The following FBXW8 variants were observed in gnomAD, a reference collection of about 807,000 sequenced individuals.
FBXW8 encodes the protein F-box/WD repeat-containing protein 8.
In FBXW8, 57 loss-of-function variants were observed where a neutral mutation model predicts 65.3. The observed-to-expected ratio is 0.87, with a 90% confidence interval of 0.71 to 1.09. The LOEUF is 1.09. Ranked by LOEUF, FBXW8 falls within the 50% of genes least tolerant of loss-of-function variation. The pLI, the probability that FBXW8 is intolerant of heterozygous loss-of-function variation, is 0.00. For synonymous variants in FBXW8, 308 were observed against 330.2 expected (o/e 0.93, Z 0.73); for missense variants, 777 against 814.8 (o/e 0.95, Z 0.57).
At chr12:116,995,051 A>T (rs1412036390) in intron 7 of FBXW8, among the ~76,000 whole-genome samples, 1 of 152,198 alleles carries the variant, frequency 6.6e-6, no homozygotes, top group African/African-American at 2.4e-5. Context: ...GCCAGCGGGG[A>T]TATACAGAGA....
chr12:117,005,477 G>T (rs556445423), intron 7 of FBXW8, among the ~76,000 whole-genome samples: 3 of 152,336 alleles, frequency 2.0e-5, no homozygotes, highest in African/African-American at 7.2e-5. Context: ...AACGTGTAGT[G>T]TGATGCGGTG....
In FBXW8 at chr12:117,029,567, G is replaced by A. The variant is rs11068296; in HGVS notation, c.*1395G>A. 48,162 of 151,920 alleles carry A rather than the reference G, an allele frequency of 0.32. 12,221 individuals carry two copies. The highest frequency in any genetic ancestry group is 0.71 in the African/African-American group (29,483 of 41,352). The allele number at this position is 151,920 out of a possible 1,614,324, so 9.4% of individuals were successfully genotyped here. On this transcript the variant is annotated 3_prime_UTR_variant, in exon 11 of 11. Coordinates refer to ENST00000652555, the MANE Select transcript of FBXW8 (RefSeq NM_153348.3). ...TAAATCAGGATAAAAACAGACATCA[G>A]TGGAATCGAAAACCAATAGTTAGTT...
intron 8 of FBXW8, among the ~76,000 whole-genome samples, chr12:117,022,060 C>T (rs1954112143): frequency 6.6e-6 from 1 of 152,148 alleles, no homozygotes. Flanking sequence ...GGAAGCTTTC[C>T]TCCTTTTCCT....
At position 117,013,902 on chromosome 12, in the gene FBXW8, GT is replaced by G. The variant is rs926803906; in HGVS notation, c.1367+3464del. On this transcript the variant is annotated intron_variant, in intron 8 of 10. Coordinates refer to ENST00000652555, the MANE Select transcript of FBXW8 (RefSeq NM_153348.3). ...AAAAGTCTGCAGGAAGTAATCACTTGTTTTTTTTTTTTGGTTTAAACCCTGT... is the reference window on the plus strand; with the variant it reads ...AAAAGTCTGCAGGAAGTAATCACTTGTTTTTTTTTTTGGTTTAAACCCTGT... Among the ~76,000 whole-genome samples, 341 of 140,424 alleles carry G rather than the reference GT, an allele frequency of 2.4e-3. 1 individual carries two copies. The highest frequency in any genetic ancestry group is 7.4e-3 in the Middle Eastern group (2 of 270). The allele number at this position is 140,424 out of a possible 152,430, so 92.1% of individuals were successfully genotyped here.
In FBXW8 at chr12:117,027,409, C is replaced by A. The variant is rs1228645338; in HGVS notation, c.1557C>A (p.His519Gln). 5 of 1,613,934 alleles carry A rather than the reference C, an allele frequency of 3.1e-6. No homozygotes were observed. Among genetic ancestry groups the A allele is most frequent in the African/African-American group, 1.3e-5 (1 of 74,932 alleles). The change falls in exon 10 of 11, where the codon CAC becomes CAA. Residue 519 changes from histidine to glutamine, a missense_variant. By Grantham distance (24) the His-to-Gln change is conservative. Transcript: ENST00000652555. ...WEVYSGHPVQHISFSSHSLIT... is the reference protein window; with the variant it reads ...WEVYSGHPVQQISFSSHSLIT... ...TGCCTTCCAGGCACCCGGTGCAGCA[C>A]ATCTCATTCAGCAGCCACAGCCTCA...
At chr12:116,945,044 A>G (rs1038603327) in intron 2 of FBXW8, among the ~76,000 whole-genome samples, 3 of 152,238 alleles carry the variant, frequency 2.0e-5, no homozygotes, top group Admixed American at 6.5e-5. Context: ...GTATGATTGT[A>G]TAGCTAATTA....
At chr12:116,955,797 A>G (rs1388365221) in intron 4 of FBXW8, among the ~76,000 whole-genome samples, 1 of 152,162 alleles carries the variant, frequency 6.6e-6, no homozygotes, top group Non-Finnish European at 1.5e-5. Flanking sequence ...AGATGACATC[A>G]TGAGTTCAAA....
At chr12:116,945,297 A>AT in intron 2 of FBXW8, 67 bp from the exon 3 acceptor site, 1 of 1,532,680 alleles carries the variant, frequency 6.5e-7, no homozygotes, top group Non-Finnish European at 8.9e-7. Context: ...GTGTTGATTG[A>AT]TTTTTGGATG....
intron 7 of FBXW8, among the ~76,000 whole-genome samples, chr12:117,006,160 G>C (rs1475928509): frequency 2.6e-5 from 4 of 152,188 alleles, no homozygotes; most frequent in Admixed American, 2.6e-4. Flanking sequence ...AATGCCTGTA[G>C]CAGGTATTTG....
intron 5 of FBXW8, among the ~76,000 whole-genome samples, chr12:116,983,523 T>G (rs767848924): frequency 1.4e-4 from 22 of 152,244 alleles, no homozygotes; most frequent in Non-Finnish European, 2.8e-4. Context: ...TGTATTATTT[T>G]CTTCCAATTC....
intron 7 of FBXW8, among the ~76,000 whole-genome samples, chr12:117,009,793 G>A (rs1348078329): frequency 6.6e-6 from 1 of 152,086 alleles, no homozygotes; most frequent in Non-Finnish European, 1.5e-5. Context: ...AAAGTGTTTG[G>A]GAGTGAGTTT....
In FBXW8 at chr12:117,027,781, A is replaced by G. The variant is rs1954269172; in HGVS notation, c.1653-247A>G. ...GGCCTGCTGTGGTTAGAATCCTGTC[A>G]GGGGCAAGGCCCGCCCTCTTGAGTC... On this transcript the variant is annotated intron_variant, in intron 10 of 10. Coordinates refer to ENST00000652555, the MANE Select transcript of FBXW8 (RefSeq NM_153348.3). Among the ~76,000 whole-genome samples, 3 of 152,214 alleles carry G rather than the reference A, an allele frequency of 2.0e-5. No individual in the cohort carries two copies. In the South Asian group the frequency reaches 6.2e-4, roughly 31 times the overall value.
In FBXW8 at chr12:116,910,993, A is replaced by T. The variant is rs2137274462; in HGVS notation, c.-45A>T. 1.5e-6 allele frequency: 2 copies of T among 1,345,382 alleles called. No homozygotes were observed. Among genetic ancestry groups the T allele is most frequent in the East Asian group, 3.1e-5 (1 of 32,276 alleles). 83.3% of individuals were successfully genotyped at this position (1,345,382 alleles called of 1,614,324 possible). ...TCCCTGGGCGGGACTGTCTCGTGGC[A>T]CCCGGTGGAACCGAGGAGAACGTGG... On this transcript the variant is annotated 5_prime_UTR_variant, in exon 1 of 11. Transcript: ENST00000652555.
intron 6 of FBXW8, 124 bp from the exon 7 acceptor site, chr12:116,988,539 G>A (rs1565929064): frequency 1.2e-6 from 1 of 806,708 alleles, no homozygotes; most frequent in Non-Finnish European, 2.1e-6. Context: ...TCCTGTGAGT[G>A]TTTCATTTGC....
chr12:116,954,093 G>A (rs1425964161), intron 4 of FBXW8, among the ~76,000 whole-genome samples: 3 of 140,904 alleles, frequency 2.1e-5, no homozygotes, highest in South Asian at 2.3e-4. Context: ...CAGCCTGGGC[G>A]ACAGGGCGAC....
intron 1 of FBXW8, among the ~76,000 whole-genome samples, chr12:116,917,893 G>A (rs1323240515): frequency 1.3e-5 from 2 of 151,516 alleles, no homozygotes; most frequent in East Asian, 3.9e-4. Context: ...TGGGGAGGCT[G>A]AGGCAGAAGA....
At chr12:116,999,941 T>C (rs1280891876) in intron 7 of FBXW8, among the ~76,000 whole-genome samples, 1 of 151,820 alleles carries the variant, frequency 6.6e-6, no homozygotes. Flanking sequence ...GCATCAGAGC[T>C]CTGGCCCTGA....
Position 116,945,423 on chromosome 12 carries a change from G to A in FBXW8, c.483G>A (p.Gln161=), listed in dbSNP as rs762785037. 1 of 1,613,948 alleles carries A rather than the reference G, an allele frequency of 6.2e-7. No homozygotes were observed. Among genetic ancestry groups the A allele is most frequent in the African/African-American group, 1.3e-5 (1 of 74,932 alleles). ...EDEVLWYRLC[Q]QEGHLPDSSI... is the part of the protein sequence containing the mutation. Reference sequence around the variant, plus strand: ...AGGTGCTGTGGTACAGGCTGTGCCAGCAGGAAGGGCACCTTCCGGATAGCA... The same window carrying A: ...AGGTGCTGTGGTACAGGCTGTGCCAACAGGAAGGGCACCTTCCGGATAGCA... Residue 161 remains glutamine (Q), a synonymous_variant, in exon 3 of 11, where the codon CAG becomes CAA. Coordinates refer to ENST00000652555, the MANE Select transcript of FBXW8 (RefSeq NM_153348.3).
At chr12:117,023,878 CT>C (rs1008038787) in intron 8 of FBXW8, among the ~76,000 whole-genome samples, 3 of 152,230 alleles carry the variant, frequency 2.0e-5, no homozygotes, top group African/African-American at 7.2e-5. Flanking sequence ...ATGCAGGTGG[CT>C]TTTCCCTGTT....
Sources: gnomAD v4.1 joint callset for allele counts (sites outside exome capture counted in the v4.1 genomes callset) on GRCh38, gnomAD v4.1.1 for gene constraint, MANE v1.5 for transcripts, NCBI Gene and HGNC (gene_info 2026-07-23, HGNC 2026-07-21) for gene names.